The following SUMF1 variants were observed in gnomAD, a reference collection of about 807,000 sequenced individuals.
SUMF1 encodes sulfatase modifying factor 1.
SUMF1 carries 48 observed loss-of-function variants against 47.6 expected under a neutral mutation model. That is an observed-to-expected ratio of 1.01 (90% confidence interval 0.80 to 1.28). The LOEUF is 1.28. Ranked by LOEUF, SUMF1 falls within the 50% of genes most tolerant of loss-of-function variation. The pLI, the probability that SUMF1 is intolerant of heterozygous loss-of-function variation, is 0.00. For missense variants in SUMF1, 571 were observed against 485.4 expected (o/e 1.18, Z -1.66); for synonymous variants, 230 against 192.1 (o/e 1.20, Z -1.63).
At chr3:4,040,248 A>G (rs756755099) in intron 9 of SUMF1, among the ~76,000 whole-genome samples, 3 of 152,182 alleles carry the variant, frequency 2.0e-5, no homozygotes, top group Non-Finnish European at 1.5e-5. Flanking sequence ...GAAAATAAAT[A>G]AAACAACAGG....
At chr3:4,071,994 CTG>C (rs1270546495) in intron 8 of SUMF1, among the ~76,000 whole-genome samples, 3 of 152,192 alleles carry the variant, frequency 2.0e-5, no homozygotes, top group African/African-American at 7.2e-5. Flanking sequence ...GTGTACCTGA[CTG>C]AGAGATACCT....
chr3:4,362,787 A>G (rs1699809283), intron 8 of SUMF1, among the ~76,000 whole-genome samples: 1 of 152,106 alleles, frequency 6.6e-6, no homozygotes, highest in Non-Finnish European at 1.5e-5. Flanking sequence ...GGTGGTGTGC[A>G]CTTGTAGTCA....
At chr3:4,389,558 C>T (rs1700787018) in intron 7 of SUMF1, among the ~76,000 whole-genome samples, 1 of 152,160 alleles carries the variant, frequency 6.6e-6, no homozygotes. Context: ...CTCATGCTGT[C>T]TTCTTTGTTT....
At chr3:4,374,657 C>G (rs556079040) in intron 8 of SUMF1, among the ~76,000 whole-genome samples, 1 of 152,270 alleles carries the variant, frequency 6.6e-6, no homozygotes, top group South Asian at 2.1e-4. Context: ...AGAGACATAA[C>G]TGGTGACAAT....
intron 8 of SUMF1, chr3:4,303,724 G>A (rs1575067522): frequency 2.0e-6 from 3 of 1,502,692 alleles, no homozygotes; most frequent in South Asian, 2.4e-5. Context: ...CTTAGCAAGG[G>A]TGTTGTCCTT....
intron 8 of SUMF1, among the ~76,000 whole-genome samples, chr3:4,144,135 T>C (rs559399894): frequency 1.3e-5 from 2 of 151,962 alleles, no homozygotes; most frequent in South Asian, 2.1e-4. Context: ...CTGGCTAATT[T>C]TTTTATTTTT....
intron 8 of SUMF1, among the ~76,000 whole-genome samples, chr3:4,369,521 C>T (rs1014687535): frequency 1.3e-5 from 2 of 152,180 alleles, no homozygotes; most frequent in African/African-American, 4.8e-5. Context: ...GTGTAGCAAA[C>T]TCCACACTGC....
At chr3:4,312,860 C>T in intron 8 of SUMF1, 4 of 1,552,082 alleles carry the variant, frequency 2.6e-6, no homozygotes, top group Non-Finnish European at 3.5e-6. Context: ...AAATATATGA[C>T]ATGCCGTGCT....
intron 8 of SUMF1, among the ~76,000 whole-genome samples, chr3:4,366,063 G>A (rs1699943606): frequency 4.0e-5 from 6 of 151,802 alleles, no homozygotes; most frequent in Admixed American, 2.0e-4. Flanking sequence ...CTTCTGGCTT[G>A]TAGAGTTTCT....
intron 8 of SUMF1, among the ~76,000 whole-genome samples, chr3:4,257,993 C>T (rs202039502): frequency 6.6e-6 from 1 of 151,528 alleles, no homozygotes; most frequent in Non-Finnish European, 1.5e-5. Flanking sequence ...ACAAACCTGA[C>T]AAAAACAAGC....
chr3:4,141,759 G>C (rs1446951138), intron 8 of SUMF1, among the ~76,000 whole-genome samples: 1 of 152,128 alleles, frequency 6.6e-6, no homozygotes, highest in East Asian at 1.9e-4. Flanking sequence ...TAAAATGTTT[G>C]GGTGAGCAGA....
At chr3:4,376,252 T>A (rs1361190507) in intron 8 of SUMF1, 78 bp downstream of exon 8, 3 of 1,526,578 alleles carry the variant, frequency 2.0e-6, no homozygotes, top group Non-Finnish European at 2.7e-6. Context: ...ATGAGACATT[T>A]GGGGCTATCA....
At chr3:4,185,520 C>T (rs916807107) in intron 8 of SUMF1, among the ~76,000 whole-genome samples, 1 of 152,208 alleles carries the variant, frequency 6.6e-6, no homozygotes, top group South Asian at 2.1e-4. Flanking sequence ...ATGTTCTAAG[C>T]CTTGGATCTA....
At chr3:4,394,544 G>T (rs1009834689) in intron 7 of SUMF1, among the ~76,000 whole-genome samples, 14 of 152,160 alleles carry the variant, frequency 9.2e-5, no homozygotes, top group Admixed American at 6.6e-4. Context: ...AAACTAGATT[G>T]GATAACTGTT....
At chr3:4,426,270 G>A (rs537107148) in intron 3 of SUMF1, among the ~76,000 whole-genome samples, 1 of 152,326 alleles carries the variant, frequency 6.6e-6, no homozygotes, top group South Asian at 2.1e-4. Context: ...GTGATGGTCA[G>A]ATGCAGAGTC....
At chr3:4,220,914 T>C (rs313684) in intron 8 of SUMF1, among the ~76,000 whole-genome samples, 103,729 of 152,006 alleles carry the variant, frequency 0.68, 36,788 homozygotes, top group African/African-American at 0.89. Flanking sequence ...GAGTTCAGAG[T>C]ATATAAAATG....
chr3:4,223,044 T>A (rs987125433), intron 8 of SUMF1, among the ~76,000 whole-genome samples: 3 of 152,084 alleles, frequency 2.0e-5, no homozygotes, highest in Non-Finnish European at 2.9e-5. Context: ...TCTGTGCTGT[T>A]TGCATCTTGC....
At chr3:4,284,541 T>C (rs2125049072) in intron 8 of SUMF1, among the ~76,000 whole-genome samples, 1 of 151,790 alleles carries the variant, frequency 6.6e-6, no homozygotes, top group Non-Finnish European at 1.5e-5. Context: ...CTGCTACAGG[T>C]GACCCTGGCA....
intron 7 of SUMF1, among the ~76,000 whole-genome samples, chr3:4,388,997 A>G (rs1700763757): frequency 2.0e-5 from 3 of 152,160 alleles, no homozygotes; most frequent in Admixed American, 2.0e-4. Context: ...AAATTTAGAA[A>G]ACTCCACAGA....
Sources: allele counts gnomAD v4.1 joint callset (sites outside exome capture counted in the v4.1 genomes callset), GRCh38; gene constraint gnomAD v4.1.1; transcripts MANE v1.5; gene names NCBI Gene and HGNC (gene_info 2026-07-23, HGNC 2026-07-21).